CAMKMT: variants seen among roughly 807,000 people sequenced by gnomAD.
The protein encoded by CAMKMT is CaM KMT.
Under a neutral mutation model 48.0 loss-of-function variants are expected in CAMKMT, and 53 were observed. The observed-to-expected ratio is 1.10, with a 90% CI of 0.89 to 1.39. The LOEUF (loss-of-function observed/expected upper bound fraction) is 1.39. CAMKMT is among the 40% of genes most tolerant of loss of function. CAMKMT has a pLI of 0.00. For synonymous variants in CAMKMT, 165 were observed against 152.3 expected (o/e 1.08, Z -0.61); for missense variants, 428 against 402.7 (o/e 1.06, Z -0.54).
chr2:44,637,191 T>G (rs1212372292), intron 3 of CAMKMT, among the ~76,000 whole-genome samples: 2 of 152,250 alleles, frequency 1.3e-5, no homozygotes, highest in Non-Finnish European at 2.9e-5. Flanking sequence ...TCAAATTATT[T>G]TAGAATACTT....
At chr2:44,747,393 C>G (rs1046320186) in intron 8 of CAMKMT, among the ~76,000 whole-genome samples, 2 of 152,102 alleles carry the variant, frequency 1.3e-5, no homozygotes, top group Admixed American at 1.3e-4. Flanking sequence ...GAAGTTTACA[C>G]CTGAAAATAT....
intron 2 of CAMKMT, among the ~76,000 whole-genome samples, chr2:44,382,757 G>A (rs1023834792): frequency 6.6e-6 from 1 of 152,204 alleles, no homozygotes; most frequent in Non-Finnish European, 1.5e-5. Flanking sequence ...GGGATTACAG[G>A]CGTGAGCCAC....
In CAMKMT at chr2:44,403,408, G is replaced by A. The variant is rs181609061; in HGVS notation, c.376+13103G>A. Reference sequence around the variant, plus strand: ...CATCTGACAGGATGGAGCAAGGGTAGTTGCACAAATCTTTGGAATAAGAGA... The same window carrying A: ...CATCTGACAGGATGGAGCAAGGGTAATTGCACAAATCTTTGGAATAAGAGA... On this transcript the variant is annotated intron_variant, in intron 3 of 10. Transcript: ENST00000378494. Among the ~76,000 whole-genome samples the A allele has an allele frequency of 6.6e-5, 10 of 152,312 alleles. No homozygotes were observed. The East Asian group carries it at 1.9e-3, about 29-fold the overall frequency.
At chr2:44,637,597 T>C (rs1052267188) in intron 3 of CAMKMT, among the ~76,000 whole-genome samples, 10 of 152,030 alleles carry the variant, frequency 6.6e-5, no homozygotes, top group African/African-American at 2.4e-4. Context: ...ATTTTTTTTT[T>C]CTGGGCTACC....
At chr2:44,691,184 G>T (rs540471992) in intron 3 of CAMKMT, among the ~76,000 whole-genome samples, 1 of 152,124 alleles carries the variant, frequency 6.6e-6, no homozygotes, top group Admixed American at 6.5e-5. Flanking sequence ...ATGTCTTCAC[G>T]CTCTAAGCCA....
intron 3 of CAMKMT, among the ~76,000 whole-genome samples, chr2:44,698,101 T>C (rs1177570509): frequency 6.6e-6 from 1 of 152,216 alleles, no homozygotes; most frequent in Non-Finnish European, 1.5e-5. Context: ...CTTTAAAAAG[T>C]AGCAGCTTTA....
At chr2:44,414,452 A>T (rs1310030613) in intron 3 of CAMKMT, among the ~76,000 whole-genome samples, 1 of 152,090 alleles carries the variant, frequency 6.6e-6, no homozygotes, top group Non-Finnish European at 1.5e-5. Context: ...GGCAGGCCTC[A>T]GTTTCTTGCT....
intron 3 of CAMKMT, among the ~76,000 whole-genome samples, chr2:44,571,941 C>A (rs1032100036): frequency 9.2e-5 from 14 of 152,212 alleles, no homozygotes; most frequent in African/African-American, 3.4e-4. Flanking sequence ...CATTTGTGAA[C>A]TACCTTCATG....
At chr2:44,515,513 C>A (rs1670791689) in intron 3 of CAMKMT, among the ~76,000 whole-genome samples, 1 of 152,130 alleles carries the variant, frequency 6.6e-6, no homozygotes. Flanking sequence ...TCACAGAGAT[C>A]TTACTTCTAG....
At chr2:44,584,491 A>G (rs1669741840) in intron 3 of CAMKMT, among the ~76,000 whole-genome samples, 1 of 152,228 alleles carries the variant, frequency 6.6e-6, no homozygotes, top group Non-Finnish European at 1.5e-5. Context: ...TATGGATAAT[A>G]TAAAATGCTT....
intron 3 of CAMKMT, among the ~76,000 whole-genome samples, chr2:44,680,861 A>C (rs1172101859): frequency 6.6e-6 from 1 of 152,184 alleles, no homozygotes; most frequent in Non-Finnish European, 1.5e-5. Flanking sequence ...GAGGGTAAAA[A>C]GTATGCGCCA....
chr2:44,434,466 A>G (rs1466340683), intron 3 of CAMKMT, among the ~76,000 whole-genome samples: 1 of 152,108 alleles, frequency 6.6e-6, no homozygotes, highest in Non-Finnish European at 1.5e-5. Flanking sequence ...CTGATGTTTG[A>G]TTTCATTCTA....
At chr2:44,646,161 A>G (rs1306901579) in intron 3 of CAMKMT, among the ~76,000 whole-genome samples, 2 of 152,152 alleles carry the variant, frequency 1.3e-5, no homozygotes, top group African/African-American at 4.8e-5. Flanking sequence ...TTATGATGAA[A>G]TCACTGGAGG....
At chr2:44,609,714 A>G (rs763064569) in intron 3 of CAMKMT, among the ~76,000 whole-genome samples, 1 of 152,126 alleles carries the variant, frequency 6.6e-6, no homozygotes, top group African/African-American at 2.4e-5. Flanking sequence ...TCCTCTTCAT[A>G]ACTGTTCTAA....
chr2:44,390,348 A>G (rs1681209519), intron 3 of CAMKMT, 43 bp downstream of exon 3: 1 of 1,399,252 alleles, frequency 7.1e-7, no homozygotes. Flanking sequence ...TTAGTGTTTT[A>G]CAAAGTGAAT....
chr2:44,398,414 GCT>G (rs1339160717), intron 3 of CAMKMT, among the ~76,000 whole-genome samples: 1 of 152,146 alleles, frequency 6.6e-6, no homozygotes, highest in African/African-American at 2.4e-5. Context: ...AGAAAAATGG[GCT>G]CTCCAGGGTT....
At chr2:44,566,492 T>TG (rs1202249357) in intron 3 of CAMKMT, among the ~76,000 whole-genome samples, 1 of 152,178 alleles carries the variant, frequency 6.6e-6, no homozygotes, top group Non-Finnish European at 1.5e-5. Flanking sequence ...GTCAGGCTGC[T>TG]GGGTCGTATG....
rs536283842 is a variant in CAMKMT at position 44,538,218 on chromosome 2, A to G, written c.376+147913A>G. ...CCCTGTCTCTACTAAAAATACAAAA[A>G]TTTAGCCAGGTGTGGTTGTGGGCAC... On this transcript the variant is annotated intron_variant, in intron 3 of 10. Coordinates refer to ENST00000378494, the MANE Select transcript of CAMKMT (RefSeq NM_024766.5). Among the ~76,000 whole-genome samples, 60 of 152,000 alleles carry G rather than the reference A, an allele frequency of 3.9e-4. 1 individual carries two copies. Among genetic ancestry groups the G allele is most frequent in the Non-Finnish European group, 6.9e-4 (47 of 67,962 alleles).
In CAMKMT at chr2:44,579,004, G is replaced by A. The variant is rs181857967; in HGVS notation, c.377-125279G>A. On this transcript the variant is annotated intron_variant, in intron 3 of 10. Transcript: ENST00000378494. ...GGTGGAAGTGAAACCAAAATACAAA[G>A]CTCCATTTGTGACTGAAGTTTGCTA... 1.5e-3 allele frequency among the ~76,000 whole-genome samples: 232 copies of A among 152,284 alleles called. 3 individuals are homozygous for A. Among genetic ancestry groups the A allele is most frequent in the South Asian group, 5.4e-3 (26 of 4,830 alleles).
Sources: gnomAD v4.1 joint callset for allele counts (sites outside exome capture counted in the v4.1 genomes callset) on GRCh38, gnomAD v4.1.1 for gene constraint, MANE v1.5 for transcripts, NCBI Gene and HGNC (gene_info 2026-07-23, HGNC 2026-07-21) for gene names.